DPYD: variants seen among roughly 807,000 people sequenced by gnomAD.
The protein encoded by DPYD is dihydropyrimidine dehydrogenase [NADP(+)].
Under a neutral mutation model 116.2 loss-of-function variants are expected in DPYD, and 109 were observed. The ratio of observed to expected loss-of-function variants is 0.94; its 90% confidence interval spans 0.80 to 1.10. The LOEUF is 1.10. Ranked by LOEUF, DPYD falls within the 50% of genes least tolerant of loss-of-function variation. The pLI, the probability that DPYD is intolerant of heterozygous loss-of-function variation, is 0.00. For synonymous variants in DPYD, 440 were observed against 432.0 expected (o/e 1.02, Z -0.23); for missense variants, 1,302 against 1,254.5 (o/e 1.04, Z -0.57).
At chr1:97,658,740 T>C (rs1659085392) in intron 8 of DPYD, among the ~76,000 whole-genome samples, 1 of 152,112 alleles carries the variant, frequency 6.6e-6, no homozygotes, top group Non-Finnish European at 1.5e-5. Flanking sequence ...ATAAAACCTT[T>C]TCATCACTTT....
intron 19 of DPYD, among the ~76,000 whole-genome samples, chr1:97,213,048 T>G (rs961477253): frequency 1.3e-5 from 2 of 152,020 alleles, no homozygotes; most frequent in Non-Finnish European, 2.9e-5. Flanking sequence ...ATGGCCATCT[T>G]TTTGCTGTTT....
intron 8 of DPYD, among the ~76,000 whole-genome samples, chr1:97,640,466 G>C (rs1657824068): frequency 6.6e-6 from 1 of 151,990 alleles, no homozygotes; most frequent in Non-Finnish European, 1.5e-5. Flanking sequence ...TTGCTACCAT[G>C]ACCAGCTAAT....
intron 15 of DPYD, among the ~76,000 whole-genome samples, chr1:97,376,902 T>TATATATATATATATATATAG (rs1671667868): frequency 6.7e-6 from 1 of 148,614 alleles, no homozygotes; most frequent in Admixed American, 6.8e-5. Flanking sequence ...TATATATATA[T>TATATATATATATATATATAG]GGTGTGGACT....
At chr1:97,464,624 C>T (rs868809069) in intron 13 of DPYD, among the ~76,000 whole-genome samples, 19 of 152,172 alleles carry the variant, frequency 1.2e-4, no homozygotes, top group East Asian at 1.2e-3. Flanking sequence ...TGCTTCAGAG[C>T]GTGGAAGCCT....
chr1:97,628,696 A>C (rs750646726), intron 8 of DPYD, among the ~76,000 whole-genome samples: 3 of 152,080 alleles, frequency 2.0e-5, no homozygotes, highest in Non-Finnish European at 2.9e-5. Context: ...AAAATACTTT[A>C]TATATGCATA....
At chr1:97,857,017 C>T (rs544797892) in intron 2 of DPYD, among the ~76,000 whole-genome samples, 12 of 152,198 alleles carry the variant, frequency 7.9e-5, no homozygotes, top group Admixed American at 7.9e-4. Flanking sequence ...GGATCCTCTC[C>T]CCAACCTCCT....
chr1:97,363,390 G>A (rs1670849683), intron 16 of DPYD, among the ~76,000 whole-genome samples: 1 of 152,196 alleles, frequency 6.6e-6, no homozygotes, highest in South Asian at 2.1e-4. Flanking sequence ...GGAAGACAGT[G>A]TGGCGATTTG....
At chr1:97,087,482 G>C (rs2101571007) in intron 21 of DPYD, among the ~76,000 whole-genome samples, 1 of 152,184 alleles carries the variant, frequency 6.6e-6, no homozygotes. Context: ...GCGAGGGTGA[G>C]AGAAGCAAGT....
intron 18 of DPYD, among the ~76,000 whole-genome samples, chr1:97,260,828 G>A (rs776827840): frequency 2.0e-5 from 3 of 152,012 alleles, no homozygotes; most frequent in African/African-American, 4.8e-5. Flanking sequence ...TATAATGTAC[G>A]AAATCTAAAT....
At chr1:97,245,510 T>C (rs1348177734) in intron 18 of DPYD, among the ~76,000 whole-genome samples, 1 of 152,134 alleles carries the variant, frequency 6.6e-6, no homozygotes, top group Non-Finnish European at 1.5e-5. Context: ...CTTGAAGTAA[T>C]ATTTCTCATG....
intron 8 of DPYD, among the ~76,000 whole-genome samples, chr1:97,611,769 G>C (rs1655966510): frequency 1.3e-5 from 2 of 151,944 alleles, no homozygotes; most frequent in Non-Finnish European, 2.9e-5. Context: ...ACAAGAATAA[G>C]ATCCTTAATA....
At chr1:97,414,404 G>A (rs1674176760) in intron 14 of DPYD, among the ~76,000 whole-genome samples, 1 of 152,162 alleles carries the variant, frequency 6.6e-6, no homozygotes, top group Admixed American at 6.5e-5. Context: ...CTATCTTATG[G>A]TCTTGAAGAA....
chr1:97,751,058 TA>T (rs1664850221), intron 3 of DPYD, among the ~76,000 whole-genome samples: 3 of 152,038 alleles, frequency 2.0e-5, no homozygotes, highest in Admixed American at 2.0e-4. Context: ...GCCTTAAAAT[TA>T]AAAGACAGTA....
intron 7 of DPYD, among the ~76,000 whole-genome samples, chr1:97,682,720 T>C (rs1449453672): frequency 6.6e-6 from 1 of 152,182 alleles, no homozygotes; most frequent in Non-Finnish European, 1.5e-5. Context: ...ACGGGCATTT[T>C]GTTTGGTGTT....
At chr1:97,694,551 G>C (rs1661193575) in intron 6 of DPYD, among the ~76,000 whole-genome samples, 1 of 151,892 alleles carries the variant, frequency 6.6e-6, no homozygotes, top group Admixed American at 6.6e-5. Flanking sequence ...GTGTCTAATG[G>C]GTAACTCATA....
intron 14 of DPYD, among the ~76,000 whole-genome samples, chr1:97,427,030 G>GT (rs1228525980): frequency 6.6e-6 from 1 of 151,992 alleles, no homozygotes; most frequent in African/African-American, 2.4e-5. Flanking sequence ...TTTTTATGCA[G>GT]TATATAATAT....
chr1:97,442,254 T>A (rs1675839758), intron 14 of DPYD, among the ~76,000 whole-genome samples: 1 of 151,824 alleles, frequency 6.6e-6, no homozygotes, highest in Admixed American at 6.6e-5. Flanking sequence ...GTGACCACTC[T>A]CCTTTATTGC....
intron 16 of DPYD, among the ~76,000 whole-genome samples, chr1:97,333,634 C>T (rs1323669908): frequency 1.3e-5 from 2 of 150,126 alleles, no homozygotes. Flanking sequence ...CATTCTCCTG[C>T]CTCAGCCTCC....
At chr1:97,892,216 CAG>C (rs1176756775) in intron 1 of DPYD, among the ~76,000 whole-genome samples, 1 of 151,720 alleles carries the variant, frequency 6.6e-6, no homozygotes, top group African/African-American at 2.4e-5. Context: ...AACAGAAAAA[CAG>C]AAATATCTAT....
Sources: allele counts gnomAD v4.1 joint callset (sites outside exome capture counted in the v4.1 genomes callset), GRCh38; gene constraint gnomAD v4.1.1; transcripts MANE v1.5; gene names NCBI Gene and HGNC (gene_info 2026-07-23, HGNC 2026-07-21).